The following MID1IP1 variants were observed in gnomAD, a reference collection of about 807,000 sequenced individuals.
MID1IP1 encodes MID1 interacting protein 1, also known as mid1-interacting protein 1.
A neutral mutation model predicts 6.8 loss-of-function variants in MID1IP1; 3 were observed. The ratio of observed to expected loss-of-function variants is 0.44; its 90% confidence interval spans 0.20 to 1.14. MID1IP1 has a LOEUF of 1.14. MID1IP1 is among the 50% of genes most tolerant of loss of function. The pLI is 0.26. For missense variants in MID1IP1, 127 were observed against 158.4 expected (o/e 0.80, Z 1.06); for synonymous variants, 87 against 70.4 (o/e 1.24, Z -1.18).
Position 38,805,038 on chromosome X carries a change from C to T in MID1IP1, c.92C>T (p.Thr31Met). The T allele has an allele frequency of 8.3e-7, 1 of 1,211,426 alleles. No individual in the cohort carries two copies. Among genetic ancestry groups the T allele is most frequent in the Non-Finnish European group, 1.1e-6 (1 of 895,114 alleles). The change falls in exon 3 of 3, where the codon ACG becomes ATG. Residue 31 changes from threonine (T) to methionine (M), a missense_variant. Coordinates refer to ENST00000614558, the MANE Select transcript of MID1IP1 (RefSeq NM_021242.6). Reference protein sequence around the residue: ...FIGAVNNMDQTVMVPSLLRDV... With the variant: ...FIGAVNNMDQMVMVPSLLRDV... ...GGCGCCGTGAACAACATGGACCAGA[C>T]GGTGATGGTGCCCAGCTTGCTGCGC...
chrX:38,805,603 A>C lies in MID1IP1; in HGVS notation c.*105A>C. 1 of 742,640 alleles carries C rather than the reference A, an allele frequency of 1.3e-6. No homozygotes were observed. Among genetic ancestry groups the C allele is most frequent in the Non-Finnish European group, 1.9e-6 (1 of 526,372 alleles). The allele number at this position is 742,640 out of a possible 1,213,427, so 61.2% of individuals were successfully genotyped here. A position where few individuals can be genotyped will look rare whatever the true frequency, so the allele number is the denominator to read the frequency against. On this transcript the variant is annotated 3_prime_UTR_variant, in exon 3 of 3. Transcript: ENST00000614558. ...CCTGGCTGGGGGGCGGGAAGGGCAGACTGCAAACTGGGGGGCTGCGTACGT... is the reference window on the plus strand; with the variant it reads ...CCTGGCTGGGGGGCGGGAAGGGCAGCCTGCAAACTGGGGGGCTGCGTACGT...
intron 1 of MID1IP1, 33 bp from the exon 2 acceptor site, chrX:38,802,502 C>T (rs1398975548): frequency 1.8e-5 from 2 of 112,121 alleles, no homozygotes; most frequent in Non-Finnish European, 3.8e-5. Flanking sequence ...GGGTCACTGA[C>T]TTTGTTTTGT....
Position 38,805,408 on chromosome X carries a change from G to A in MID1IP1, c.462G>A (p.Leu154=). The A allele has an allele frequency of 2.5e-6, 3 of 1,209,140 alleles. No homozygotes were observed. Among genetic ancestry groups the A allele is most frequent in the Non-Finnish European group, 3.4e-6 (3 of 894,873 alleles). ...AGTTCCACTACCACCTGCGCGGGCT[G>A]CACACTGTGCTCTCGAAACTCACGC... ...EQQFHYHLRG[L]HTVLSKLTRK... Residue 154 remains leucine (L), a synonymous_variant, in exon 3 of 3, where the codon CTG becomes CTA. Coordinates refer to ENST00000614558, the MANE Select transcript of MID1IP1 (RefSeq NM_021242.6).
In MID1IP1 at chrX:38,802,603, A is replaced by T. The variant is rs771978066; in HGVS notation, c.-2075A>T. 2.7e-5 allele frequency: 3 copies of T among 112,242 alleles called. No homozygotes were observed. Among genetic ancestry groups the T allele is most frequent in the Admixed American group, 9.4e-5 (1 of 10,675 alleles). 9.3% of individuals were successfully genotyped at this position (112,242 alleles called of 1,213,427 possible). On this transcript the variant is annotated 5_prime_UTR_variant, in exon 2 of 3. Coordinates refer to ENST00000614558, the MANE Select transcript of MID1IP1 (RefSeq NM_021242.6). ...ATTAGGAAGATGGTTTTCTATGGAAAATATTTAAGTGTAGGTCTTAATGTG... is the reference window on the plus strand; with the variant it reads ...ATTAGGAAGATGGTTTTCTATGGAATATATTTAAGTGTAGGTCTTAATGTG...
chrX:38,805,658 AG>A lies in MID1IP1; in HGVS notation c.*165del. ...GAGGCGCGGTGGGGCTGCGTGGAGGAGGGGGCCACGTGTGAGAGAGAAGAAA... is the reference window on the plus strand; with the variant it reads ...GAGGCGCGGTGGGGCTGCGTGGAGGAGGGGCCACGTGTGAGAGAGAAGAAA... On this transcript the variant is annotated 3_prime_UTR_variant, in exon 3 of 3. Coordinates refer to ENST00000614558, the MANE Select transcript of MID1IP1 (RefSeq NM_021242.6). The A allele has an allele frequency of 2.1e-6, 1 of 474,012 alleles. No individual in the cohort carries two copies. Among genetic ancestry groups the A allele is most frequent in the Non-Finnish European group, 3.5e-6 (1 of 284,457 alleles). 39.1% of individuals were successfully genotyped at this position (474,012 alleles called of 1,213,427 possible).
intron 1 of MID1IP1, 132 bp downstream of exon 1, chrX:38,801,619 G>A (rs1003502471): frequency 9.0e-6 from 1 of 111,251 alleles, no homozygotes; most frequent in Non-Finnish European, 1.9e-5. Flanking sequence ...AAGAAACTGG[G>A]GGATGAAGGG....
rs751701861 is a variant in MID1IP1, at chrX:38,805,401, G to A, written c.455G>A (p.Arg152His). Residue 152 changes from arginine (R) to histidine (H), a missense_variant, in exon 3 of 3, where the codon CGC becomes CAC. Transcript: ENST00000614558. ...DLEQQFHYHL[R>H]GLHTVLSKLT... is the part of the protein sequence containing the mutation. ...GAACAGCAGTTCCACTACCACCTGC[G>A]CGGGCTGCACACTGTGCTCTCGAAA... 4.1e-6 allele frequency: 5 copies of A among 1,205,723 alleles called. No homozygotes were observed. Among genetic ancestry groups the A allele is most frequent in the Non-Finnish European group, 5.6e-6 (5 of 894,253 alleles).
In MID1IP1 at chrX:38,805,480, C is replaced by T. The variant is rs766825495; in HGVS notation, c.534C>T (p.Phe178=). ...ACAGATACAAGCAGGAGATCGGCTTCGGCAATTGGGGCCACTGAGGCGTGG... is the reference window on the plus strand; with the variant it reads ...ACAGATACAAGCAGGAGATCGGCTTTGGCAATTGGGGCCACTGAGGCGTGG... The part of the protein sequence containing the change: ...LTNRYKQEIG[F]GNWGH Residue 178 remains phenylalanine, a synonymous_variant, in exon 3 of 3, where the codon TTC becomes TTT. Coordinates refer to ENST00000614558, the MANE Select transcript of MID1IP1 (RefSeq NM_021242.6). 8.3e-7 allele frequency: 1 copy of T among 1,209,592 alleles called. No homozygotes were observed. The highest frequency in any genetic ancestry group is 2.2e-5 in the Admixed American group (1 of 45,843).
chrX:38,802,942 T>A lies in MID1IP1; in HGVS notation c.-1736T>A, dbSNP rs761418460. The stretch of plus-strand genomic sequence containing the variant: ...TTTTGTATTTTTAGTAGAGACCGGG[T>A]TTCACCATGTTGGCCAGGCTAGTCT... On this transcript the variant is annotated 5_prime_UTR_variant, in exon 2 of 3. Coordinates refer to ENST00000614558, the MANE Select transcript of MID1IP1 (RefSeq NM_021242.6). The A allele has an allele frequency of 9.0e-6, 1 of 111,448 alleles. No individual in the cohort carries two copies. Among genetic ancestry groups the A allele is most frequent in the Admixed American group, 9.4e-5 (1 of 10,595 alleles). 9.2% of individuals were successfully genotyped at this position (111,448 alleles called of 1,213,427 possible). A position where few individuals can be genotyped will look rare whatever the true frequency, so the allele number is the denominator to read the frequency against.
rs1419572594 is a variant in MID1IP1, at chrX:38,803,443, C to T, written c.-1235C>T. On this transcript the variant is annotated 5_prime_UTR_variant, in exon 2 of 3. Coordinates refer to ENST00000614558, the MANE Select transcript of MID1IP1 (RefSeq NM_021242.6). ...CCACATGGCCCAGGCTCTCCAGCAT[C>T]ACTGTGTAGCCGACTTGGACAAAAA... 2 of 113,355 alleles carry T rather than the reference C, an allele frequency of 1.8e-5. No homozygotes were observed. The highest frequency in any genetic ancestry group is 3.7e-5 in the Non-Finnish European group (2 of 53,457). 9.3% of individuals were successfully genotyped at this position (113,355 alleles called of 1,213,427 possible). A position where few individuals can be genotyped will look rare whatever the true frequency, so the allele number is the denominator to read the frequency against.
At chrX:38,802,184 T>C (rs1409091020) in intron 1 of MID1IP1, among the ~76,000 whole-genome samples, 1 of 112,337 alleles carries the variant, frequency 8.9e-6, no homozygotes, top group African/African-American at 3.2e-5. Context: ...TACATAGTGA[T>C]TTTTATTTAC....
At position 38,805,322 on chromosome X, in the gene MID1IP1, A is replaced by T; in HGVS notation, c.376A>T (p.Ile126Phe). The stretch of plus-strand genomic sequence containing the variant: ...GGGCAGTGCCTGGAAGTCCAAGGAC[A>T]TCCTGGTGGACCTGGGCCACTTGGA... Reference protein sequence around the residue: ...EEGSAWKSKDILVDLGHLEGA... With the variant: ...EEGSAWKSKDFLVDLGHLEGA... Residue 126 changes from isoleucine (I) to phenylalanine (F), a missense_variant, in exon 3 of 3, where the codon ATC (isoleucine) becomes TTC (phenylalanine). By Grantham distance (21) the Ile-to-Phe change is conservative. Transcript: ENST00000614558. The T allele has an allele frequency of 8.3e-7, 1 of 1,208,687 alleles. No individual in the cohort carries two copies. The highest frequency in any genetic ancestry group is 1.1e-6 in the Non-Finnish European group (1 of 894,247).
chrX:38,805,605 T>G lies in MID1IP1; in HGVS notation c.*107T>G, dbSNP rs1602159381. The G allele has an allele frequency of 2.7e-5, 18 of 674,508 alleles. No homozygotes were observed. Among genetic ancestry groups the G allele is most frequent in the East Asian group, 4.4e-5 (1 of 22,658 alleles). The allele number at this position is 674,508 out of a possible 1,213,427, so 55.6% of individuals were successfully genotyped here. On this transcript the variant is annotated 3_prime_UTR_variant, in exon 3 of 3. Transcript: ENST00000614558. The stretch of plus-strand genomic sequence containing the variant: ...TGGCTGGGGGGCGGGAAGGGCAGAC[T>G]GCAAACTGGGGGGCTGCGTACGTGC...
chrX:38,804,852 G>A lies in MID1IP1; in HGVS notation c.-95G>A. 1 of 945,091 alleles carries A rather than the reference G, an allele frequency of 1.1e-6. No individual in the cohort carries two copies. The highest frequency in any genetic ancestry group is 1.4e-6 in the Non-Finnish European group (1 of 698,881). The allele number at this position is 945,091 out of a possible 1,213,427, so 77.9% of individuals were successfully genotyped here. On this transcript the variant is annotated 5_prime_UTR_variant, in exon 3 of 3. Transcript: ENST00000614558. ...CGGCTATAGCCAGGCCCCCAGCGCG[G>A]GCCTTGGAGAGCGCGTGAAGGCGGG... is the stretch of plus-strand genomic sequence containing the variant.
Position 38,804,760 on chromosome X carries a change from G to A in MID1IP1, c.-187G>A. On this transcript the variant is annotated 5_prime_UTR_variant, in exon 3 of 3. Coordinates refer to ENST00000614558, the MANE Select transcript of MID1IP1 (RefSeq NM_021242.6). ...AAAGCCAGGAGAAGCCGCCCATCCCGCAGGGCCGGTCTGCCAGCGAGACGA... is the reference window on the plus strand; with the variant it reads ...AAAGCCAGGAGAAGCCGCCCATCCCACAGGGCCGGTCTGCCAGCGAGACGA... 2.2e-6 allele frequency: 1 copy of A among 457,425 alleles called. No individual in the cohort carries two copies. The highest frequency in any genetic ancestry group is 3.6e-6 in the Non-Finnish European group (1 of 279,575). 37.7% of individuals were successfully genotyped at this position (457,425 alleles called of 1,213,427 possible). A position where few individuals can be genotyped will look rare whatever the true frequency, so the allele number is the denominator to read the frequency against.
rs1036011937 is a variant in MID1IP1 at position 38,803,931 on chromosome X, C to T, written c.-747C>T. ...CCCACCCTCCAGTCGGTCCGGACGCCGACGCCTTTTTGACCCTCGCTGTGC... is the reference window on the plus strand; with the variant it reads ...CCCACCCTCCAGTCGGTCCGGACGCTGACGCCTTTTTGACCCTCGCTGTGC... On this transcript the variant is annotated 5_prime_UTR_variant, in exon 2 of 3. An upstream open reading frame in the 5' UTR gains an earlier in-frame stop. Transcript: ENST00000614558. 1.8e-5 allele frequency: 2 copies of T among 113,447 alleles called. No homozygotes were observed. Among genetic ancestry groups the T allele is most frequent in the African/African-American group, 3.2e-5 (1 of 31,206 alleles). 9.3% of individuals were successfully genotyped at this position (113,447 alleles called of 1,213,427 possible).
At position 38,805,103 on chromosome X, in the gene MID1IP1, G is replaced by A; in HGVS notation, c.157G>A (p.Gly53Ser). 8.3e-7 allele frequency: 1 copy of A among 1,211,230 alleles called. No individual in the cohort carries two copies. Among genetic ancestry groups the A allele is most frequent in the African/African-American group, 1.7e-5 (1 of 57,934 alleles). Residue 53 changes from glycine (G) to serine (S), a missense_variant, in exon 3 of 3, where the codon GGC becomes AGC. Transcript: ENST00000614558. ...LADPGLDNDV[G>S]VEVGGSGGCL... is the part of the protein sequence containing the mutation. ...TGACCCCGGGTTAGACAACGATGTT[G>A]GCGTGGAGGTAGGCGGCAGTGGCGG...
Position 38,803,083 on chromosome X carries a change from T to C in MID1IP1, c.-1595T>C, listed in dbSNP as rs1189469347. 8.9e-6 allele frequency: 1 copy of C among 112,318 alleles called. No homozygotes were observed. The highest frequency in any genetic ancestry group is 3.2e-5 in the African/African-American group (1 of 30,825). The allele number at this position is 112,318 out of a possible 1,213,427, so 9.3% of individuals were successfully genotyped here. ...TTTAAAATGAGAAGCTTGAATCTTATTGAACATAATTGTAGGACTGCCAGA... is the reference window on the plus strand; with the variant it reads ...TTTAAAATGAGAAGCTTGAATCTTACTGAACATAATTGTAGGACTGCCAGA... On this transcript the variant is annotated 5_prime_UTR_variant, in exon 2 of 3. Coordinates refer to ENST00000614558, the MANE Select transcript of MID1IP1 (RefSeq NM_021242.6).
chrX:38,801,561 C>T (rs1429443966), intron 1 of MID1IP1, 74 bp downstream of exon 1: 1 of 111,042 alleles, frequency 9.0e-6, no homozygotes, highest in African/African-American at 3.3e-5. Context: ...CATGAGCCAT[C>T]TTTCTCTGAA....
Sources: gnomAD v4.1 joint callset for allele counts (sites outside exome capture counted in the v4.1 genomes callset) on GRCh38, gnomAD v4.1.1 for gene constraint, MANE v1.5 for transcripts, NCBI Gene and HGNC (gene_info 2026-07-23, HGNC 2026-07-21) for gene names.